The following STX8 variants were observed in gnomAD, a reference collection of about 807,000 sequenced individuals.
STX8 encodes the protein syntaxin 8.
STX8 carries 23 observed loss-of-function variants against 37.5 expected under a neutral mutation model. The ratio of observed to expected loss-of-function variants is 0.61; its 90% CI spans 0.44 to 0.87. The LOEUF is 0.87. Ranked by LOEUF, STX8 falls within the 40% of genes least tolerant of loss-of-function variation. STX8 has a pLI of 0.00. For missense variants in STX8, 313 were observed against 284.7 expected, an observed-to-expected ratio of 1.10 and a Z score of -0.71; for synonymous variants, 115 against 99.1, an observed-to-expected ratio of 1.16 and a Z score of -0.95.
intron 7 of STX8, among the ~76,000 whole-genome samples, chr17:9,254,261 G>A (rs560742621): frequency 3.3e-5 from 5 of 152,220 alleles, no homozygotes; most frequent in South Asian, 2.1e-4. Flanking sequence ...TTCGACACGC[G>A]CTATCCTTTC....
intron 6 of STX8, among the ~76,000 whole-genome samples, chr17:9,421,873 T>G (rs1453618331): frequency 1.3e-5 from 2 of 152,074 alleles, no homozygotes; most frequent in Non-Finnish European, 2.9e-5. Context: ...ACTTCCCCCA[T>G]GCTGTTCCAA....
intron 6 of STX8, among the ~76,000 whole-genome samples, chr17:9,425,132 A>G (rs1290281104): frequency 6.6e-6 from 1 of 152,224 alleles, no homozygotes; most frequent in East Asian, 1.9e-4. Flanking sequence ...AATCTTCTAT[A>G]TTAAATAATG....
chr17:9,288,781 G>A (rs1406431456), intron 7 of STX8, among the ~76,000 whole-genome samples: 1 of 151,800 alleles, frequency 6.6e-6, no homozygotes, highest in Non-Finnish European at 1.5e-5. Context: ...AGACAGAAGA[G>A]AAAATAAGGA....
At chr17:9,538,628 C>T (rs984092789) in intron 4 of STX8, among the ~76,000 whole-genome samples, 2 of 152,188 alleles carry the variant, frequency 1.3e-5, no homozygotes, top group Non-Finnish European at 2.9e-5. Flanking sequence ...TCTGAGAAAA[C>T]GTAGACGTTT....
At chr17:9,427,356 T>A (rs1913673186) in intron 6 of STX8, among the ~76,000 whole-genome samples, 1 of 152,056 alleles carries the variant, frequency 6.6e-6, no homozygotes, top group East Asian at 1.9e-4. Context: ...GCCTCCCCAG[T>A]GTGGCAGGCA....
chr17:9,345,737 C>T (rs1910509007), intron 7 of STX8, among the ~76,000 whole-genome samples: 1 of 147,500 alleles, frequency 6.8e-6, no homozygotes, highest in Non-Finnish European at 1.5e-5. Flanking sequence ...TTTGTTCTTT[C>T]AGCTACTTTG....
intron 7 of STX8, among the ~76,000 whole-genome samples, chr17:9,279,885 T>C (rs1006492865): frequency 1.3e-5 from 2 of 152,192 alleles, no homozygotes; most frequent in Non-Finnish European, 2.9e-5. Context: ...GAAAAAAGGA[T>C]AGCTTAAAAT....
chr17:9,304,889 C>T (rs1340655587), intron 7 of STX8, among the ~76,000 whole-genome samples: 1 of 148,228 alleles, frequency 6.7e-6, no homozygotes. Context: ...TGAGTGTTCA[C>T]AATATGCTAC....
chr17:9,563,992 C>T (rs986419001), intron 2 of STX8, among the ~76,000 whole-genome samples: 2 of 152,214 alleles, frequency 1.3e-5, no homozygotes, highest in Non-Finnish European at 2.9e-5. Flanking sequence ...ACAAAACTTA[C>T]ATGATTATCT....
At chr17:9,566,722 G>A (rs146396084) in intron 2 of STX8, among the ~76,000 whole-genome samples, 81 of 152,234 alleles carry the variant, frequency 5.3e-4, no homozygotes, top group African/African-American at 1.8e-3. Context: ...GGGAGGCAGA[G>A]GATGCAGTGA....
chr17:9,274,577 A>G lies in STX8; in HGVS notation c.644-23932T>C, dbSNP rs193256556. Among the ~76,000 whole-genome samples, 463 of 150,068 alleles carry G rather than the reference A, an allele frequency of 3.1e-3. 3 individuals are homozygous for G. Among genetic ancestry groups the G allele is most frequent in the African/African-American group, 0.011 (441 of 40,996 alleles). On this transcript the variant is annotated intron_variant, in intron 7 of 7. Coordinates refer to ENST00000306357, the MANE Select transcript of STX8 (RefSeq NM_004853.3). ...TGTAGTCCCAGCTACTTGGGAGGCT[A>G]AGGCAGGAGAATGGTGTGAACCCCG...
chr17:9,539,823 A>G (rs1906205155), intron 4 of STX8, among the ~76,000 whole-genome samples: 1 of 152,220 alleles, frequency 6.6e-6, no homozygotes, highest in African/African-American at 2.4e-5. Context: ...GATACTACAG[A>G]AACCAACTGG....
intron 4 of STX8, among the ~76,000 whole-genome samples, chr17:9,527,957 A>T (rs950107853): frequency 2.0e-5 from 3 of 152,190 alleles, no homozygotes; most frequent in Non-Finnish European, 4.4e-5. Flanking sequence ...AAACTAAACA[A>T]CCCAACGTCC....
At chr17:9,364,786 G>A (rs1183566662) in intron 7 of STX8, among the ~76,000 whole-genome samples, 6 of 152,008 alleles carry the variant, frequency 3.9e-5, no homozygotes, top group East Asian at 1.9e-4. Flanking sequence ...CACCCGCCTC[G>A]GCCTCCCAAA....
intron 7 of STX8, among the ~76,000 whole-genome samples, chr17:9,327,644 G>GTCC: frequency 6.6e-6 from 1 of 152,214 alleles, no homozygotes; most frequent in East Asian, 1.9e-4. Flanking sequence ...GGGGTCTTAT[G>GTCC]TCCTACTTTT....
intron 3 of STX8, among the ~76,000 whole-genome samples, chr17:9,545,654 C>T (rs1257433071): frequency 6.6e-6 from 1 of 152,226 alleles, no homozygotes; most frequent in East Asian, 1.9e-4. Context: ...GATCTCGGCC[C>T]ACTGCAACCT....
intron 6 of STX8, among the ~76,000 whole-genome samples, chr17:9,454,022 T>C (rs1905117829): frequency 6.6e-6 from 1 of 152,188 alleles, no homozygotes; most frequent in Admixed American, 6.5e-5. Context: ...TATAAGAAAC[T>C]ATGTCATAAA....
intron 6 of STX8, among the ~76,000 whole-genome samples, chr17:9,476,910 A>G (rs1302462790): frequency 6.6e-6 from 1 of 151,976 alleles, no homozygotes; most frequent in Non-Finnish European, 1.5e-5. Context: ...CAGTGGTGCA[A>G]TCATGGCTTA....
intron 6 of STX8, among the ~76,000 whole-genome samples, chr17:9,479,091 A>AG (rs1370226298): frequency 1.3e-5 from 2 of 152,202 alleles, no homozygotes; most frequent in African/African-American, 4.8e-5. Flanking sequence ...TCACACATGC[A>AG]GCTGGTACTT....
Sources: gnomAD v4.1 joint callset for allele counts (sites outside exome capture counted in the v4.1 genomes callset) on GRCh38, gnomAD v4.1.1 for gene constraint, MANE v1.5 for transcripts, NCBI Gene and HGNC (gene_info 2026-07-23, HGNC 2026-07-21) for gene names.